The following SETD3 variants were observed in gnomAD, a reference collection of about 807,000 sequenced individuals.
The protein encoded by SETD3 is actin-histidine N-methyltransferase.
In SETD3, 19 loss-of-function variants were observed where a neutral mutation model predicts 63.0. The observed-to-expected ratio is 0.30, with a 90% CI of 0.21 to 0.44. SETD3 has a LOEUF of 0.44. Among genes scored for constraint, SETD3 ranks in the 20% least tolerant of loss-of-function variants. The pLI is 1.00. For missense variants in SETD3, 587 were observed against 728.5 expected, an observed-to-expected ratio of 0.81 and a Z score of 2.24; for synonymous variants, 286 against 264.1, an observed-to-expected ratio of 1.08 and a Z score of -0.80.
chr14:99,445,246 A>G (rs1894069402), intron 6 of SETD3, among the ~76,000 whole-genome samples: 1 of 152,356 alleles, frequency 6.6e-6, no homozygotes, highest in South Asian at 2.1e-4. Context: ...GCAACAGAAT[A>G]TACTACGCCC....
intron 1 of SETD3, among the ~76,000 whole-genome samples, chr14:99,468,789 T>C (rs1344622029): frequency 6.6e-6 from 1 of 152,226 alleles, no homozygotes; most frequent in Non-Finnish European, 1.5e-5. Context: ...CAATTCCTTG[T>C]ATGTTCTCCC....
chr14:99,466,395 C>T (rs572428065), intron 1 of SETD3, among the ~76,000 whole-genome samples: 3 of 152,290 alleles, frequency 2.0e-5, no homozygotes, highest in East Asian at 1.9e-4. Flanking sequence ...ATGGCAGACC[C>T]GGGACTTGAA....
intron 1 of SETD3, among the ~76,000 whole-genome samples, chr14:99,472,437 T>C (rs1000461050): frequency 6.6e-6 from 1 of 152,220 alleles, no homozygotes; most frequent in African/African-American, 2.4e-5. Flanking sequence ...TCATTTATGA[T>C]TCAAAAGTCT....
Position 99,414,070 on chromosome 14 carries a change from G to A in SETD3, c.676-136C>T, listed in dbSNP as rs923754488. Reference sequence around the variant, plus strand: ...AATGAAGCAGGCGGCGTCCAGCCGCGCTACAGAGGGATCATCGCGCTGTTA... The same window carrying A: ...AATGAAGCAGGCGGCGTCCAGCCGCACTACAGAGGGATCATCGCGCTGTTA... On this transcript the variant is annotated intron_variant, in intron 6 of 12. Coordinates refer to ENST00000331768, the MANE Select transcript of SETD3 (RefSeq NM_032233.3). The A allele has an allele frequency of 5.4e-6, 4 of 737,044 alleles. 1 individual carries two copies. The highest frequency in any genetic ancestry group is 3.4e-5 in the South Asian group (2 of 59,646). 45.7% of individuals were successfully genotyped at this position (737,044 alleles called of 1,614,324 possible).
intron 1 of SETD3, among the ~76,000 whole-genome samples, chr14:99,466,059 T>C (rs1003653794): frequency 1.8e-4 from 28 of 152,042 alleles, no homozygotes; most frequent in African/African-American, 4.6e-4. Flanking sequence ...ACAAAAACTA[T>C]AGTAGAGCAA....
At chr14:99,482,493 C>T (rs1307015316), upstream of SETD3, among the ~76,000 whole-genome samples, 2 of 152,094 alleles carry the variant, frequency 1.3e-5, no homozygotes, top group African/African-American at 4.8e-5. Flanking sequence ...ATTAAAGTGC[C>T]CTTAGGATGC....
chr14:99,443,379 G>A (rs1031556928), intron 6 of SETD3, among the ~76,000 whole-genome samples: 3 of 150,920 alleles, frequency 2.0e-5, no homozygotes, highest in African/African-American at 7.3e-5. Context: ...AGCCTCTTGA[G>A]TAGCTGGGAT....
chr14:99,424,344 G>A (rs554620449), intron 6 of SETD3, among the ~76,000 whole-genome samples: 2 of 152,336 alleles, frequency 1.3e-5, no homozygotes, highest in East Asian at 1.9e-4. Flanking sequence ...CAGGAAGAAC[G>A]AAGCAGGAAC....
At chr14:99,407,283 C>A (rs904580692) in intron 8 of SETD3, among the ~76,000 whole-genome samples, 1 of 152,168 alleles carries the variant, frequency 6.6e-6, no homozygotes, top group African/African-American at 2.4e-5. Flanking sequence ...GCTCCCCCGT[C>A]TTAGTGAAGG....
intron 12 of SETD3, among the ~76,000 whole-genome samples, chr14:99,399,854 G>A (rs1324801479): frequency 2.7e-5 from 4 of 146,900 alleles, no homozygotes; most frequent in East Asian, 2.0e-4. Context: ...GGGTTCAAGC[G>A]ATTCTCCTGC....
intron 6 of SETD3, among the ~76,000 whole-genome samples, chr14:99,427,804 T>C (rs184637512): frequency 4.6e-4 from 70 of 152,240 alleles, no homozygotes; most frequent in African/African-American, 1.6e-3. Context: ...AACTGTGACG[T>C]GTCACACCAG....
intron 6 of SETD3, among the ~76,000 whole-genome samples, chr14:99,433,300 T>C (rs1442183592): frequency 1.3e-5 from 2 of 152,166 alleles, no homozygotes; most frequent in African/African-American, 2.4e-5. Context: ...TACAAATTAA[T>C]AATGTAATAT....
chr14:99,431,054 T>C (rs1043939816), intron 6 of SETD3, among the ~76,000 whole-genome samples: 6 of 152,162 alleles, frequency 3.9e-5, no homozygotes, highest in Non-Finnish European at 7.4e-5. Context: ...GTTTTACAGA[T>C]AAAAGGCCCA....
intron 1 of SETD3, among the ~76,000 whole-genome samples, chr14:99,466,419 C>T (rs1177982903): frequency 6.6e-6 from 1 of 152,196 alleles, no homozygotes; most frequent in African/African-American, 2.4e-5. Flanking sequence ...GGTCTCCCGT[C>T]GCGTTCCAGT....
chr14:99,447,945 G>A (rs1163250812), intron 6 of SETD3, among the ~76,000 whole-genome samples: 6 of 152,226 alleles, frequency 3.9e-5, no homozygotes, highest in African/African-American at 1.2e-4. Context: ...GCAGTCCTCA[G>A]TCAGCAGGGC....
chr14:99,485,980 T>G, the SETD3 span, among the ~76,000 whole-genome samples: 4 of 152,248 alleles, frequency 2.6e-5, no homozygotes, highest in East Asian at 7.7e-4. Flanking sequence ...TATATGTGTA[T>G]ATATGTATTT....
rs1891217041 is a variant in SETD3, at chr14:99,398,789, TAG to T, written c.1673_1674del (p.Ser558TyrfsTer3). 1 of 1,614,122 alleles carries T rather than the reference TAG, an allele frequency of 6.2e-7. No individual in the cohort carries two copies. The highest frequency in any genetic ancestry group is 1.7e-5 in the Admixed American group (1 of 60,010). ...TTTTCGGACCTGGTCCCATTAGGGA[TAG>T]AGTTTTCACCGTTTACAAGCCCGTT... ...TENGLVNGEN[S>X]IPNGTRSENE... On this transcript the variant is annotated frameshift_variant, in exon 13 of 13. Transcript: ENST00000331768. LOFTEE classifies it low-confidence loss of function (END_TRUNC).
intron 6 of SETD3, among the ~76,000 whole-genome samples, chr14:99,456,615 A>T (rs1487159870): frequency 6.6e-6 from 1 of 152,232 alleles, no homozygotes; most frequent in Non-Finnish European, 1.5e-5. Flanking sequence ...AGAAGGTGGT[A>T]TAATTTAATC....
intron 6 of SETD3, among the ~76,000 whole-genome samples, chr14:99,443,322 C>T (rs1893943045): frequency 6.9e-6 from 1 of 144,220 alleles, no homozygotes; most frequent in South Asian, 2.2e-4. Flanking sequence ...TGCAGTGGCA[C>T]TCAGTTCAAA....
Sources: allele counts gnomAD v4.1 joint callset (sites outside exome capture counted in the v4.1 genomes callset), GRCh38; gene constraint gnomAD v4.1.1; transcripts MANE v1.5; gene names NCBI Gene and HGNC (gene_info 2026-07-23, HGNC 2026-07-21).